Variants in SLC38A12 observed in about 807,000 individuals in gnomAD.
The protein encoded by SLC38A12 is solute carrier family 38 member 12, also known as putative sodium-coupled neutral amino acid transporter 12.
chr17:74,820,666 C>G, the SLC38A12 span, among the ~76,000 whole-genome samples: 1 of 152,180 alleles, frequency 6.6e-6, no homozygotes, highest in Non-Finnish European at 1.5e-5. Flanking sequence ...TGGGTGTGTC[C>G]AGGCTCCAGG....
chr17:74,813,588 C>T, the SLC38A12 span, among the ~76,000 whole-genome samples: 1 of 152,182 alleles, frequency 6.6e-6, no homozygotes, highest in East Asian at 1.9e-4. Flanking sequence ...ACAACCTCTG[C>T]CTCCCGGGTT....
chr17:74,792,538 C>T, the SLC38A12 span, among the ~76,000 whole-genome samples: 1 of 152,216 alleles, frequency 6.6e-6, no homozygotes, highest in East Asian at 1.9e-4. Flanking sequence ...GTCACATTCT[C>T]AGTTCATCCT....
the SLC38A12 span, among the ~76,000 whole-genome samples, chr17:74,818,233 T>G: frequency 6.6e-6 from 1 of 152,264 alleles, no homozygotes; most frequent in East Asian, 1.9e-4. Flanking sequence ...CCCTTTCCTC[T>G]GCCTTCCCCT....
the SLC38A12 span, among the ~76,000 whole-genome samples, chr17:74,780,317 G>C: frequency 6.6e-6 from 1 of 152,198 alleles, no homozygotes; most frequent in African/African-American, 2.4e-5. Context: ...GGGTGGAGAC[G>C]AGGCATGTGG....
At chr17:74,816,082 G>A in the SLC38A12 span, among the ~76,000 whole-genome samples, 1 of 152,290 alleles carries the variant, frequency 6.6e-6, no homozygotes, top group East Asian at 1.9e-4. Flanking sequence ...TTGAGATTAG[G>A]CACTCTCTTT....
chr17:74,820,799 A>G, the SLC38A12 span, among the ~76,000 whole-genome samples: 2 of 152,010 alleles, frequency 1.3e-5, no homozygotes, highest in African/African-American at 2.4e-5. Context: ...ACCCTCATCC[A>G]GACTCTGGGG....
the SLC38A12 span, among the ~76,000 whole-genome samples, chr17:74,799,643 A>G: frequency 1.3e-5 from 2 of 152,176 alleles, no homozygotes; most frequent in African/African-American, 2.4e-5. Flanking sequence ...TCAGTCTCAG[A>G]TTCAGGCTCA....
At chr17:74,795,513 C>G in the SLC38A12 span, 1 of 1,612,864 alleles carries the variant, frequency 6.2e-7, no homozygotes, top group Non-Finnish European at 8.5e-7. Context: ...TGCTGTCATT[C>G]TCTTTATCAG....
the SLC38A12 span, among the ~76,000 whole-genome samples, chr17:74,820,229 C>T: frequency 6.6e-5 from 10 of 152,208 alleles, no homozygotes; most frequent in Non-Finnish European, 1.2e-4. Context: ...CTGCAGGGCA[C>T]GAGAGCGGCG....
At chr17:74,837,363 A>C in the SLC38A12 span, 1 of 985,518 alleles carries the variant, frequency 1.0e-6, no homozygotes. Context: ...GGCTGGATGG[A>C]GCATCCCTTC....
chr17:74,777,148 C>A, the SLC38A12 span: 1 of 679,860 alleles, frequency 1.5e-6, no homozygotes, highest in Middle Eastern at 3.9e-4. Flanking sequence ...GTGACAGATA[C>A]TGAGGCCCTA....
chr17:74,804,294 G>C, the SLC38A12 span, among the ~76,000 whole-genome samples: 3 of 152,274 alleles, frequency 2.0e-5, no homozygotes, highest in Admixed American at 6.5e-5. Context: ...TCCTTCGTGT[G>C]GCCAGTGTCC....
At chr17:74,810,650 C>G in the SLC38A12 span, among the ~76,000 whole-genome samples, 5 of 152,254 alleles carry the variant, frequency 3.3e-5, no homozygotes, top group African/African-American at 1.2e-4. Context: ...CCCATCCCCT[C>G]CCAGTCTCTG....
chr17:74,811,398 A>C, the SLC38A12 span, among the ~76,000 whole-genome samples: 1 of 152,142 alleles, frequency 6.6e-6, no homozygotes, highest in African/African-American at 2.4e-5. Flanking sequence ...GACCTCATGG[A>C]AGTCAAATAA....
chr17:74,795,467 C>T, the SLC38A12 span: 28 of 1,532,304 alleles, frequency 1.8e-5, no homozygotes, highest in Non-Finnish European at 2.5e-5. Context: ...TTCTGTCTCC[C>T]CCAGCCCAGC....
At chr17:74,798,193 A>G in the SLC38A12 span, among the ~76,000 whole-genome samples, 3 of 152,158 alleles carry the variant, frequency 2.0e-5, no homozygotes, top group East Asian at 1.9e-4. Flanking sequence ...TCTCTTCTTC[A>G]TTGCCATTCT....
At chr17:74,815,009 CAG>C in the SLC38A12 span, among the ~76,000 whole-genome samples, 1 of 152,256 alleles carries the variant, frequency 6.6e-6, no homozygotes, top group Admixed American at 6.5e-5. Flanking sequence ...CAGAAGGTCA[CAG>C]GGGAAGATTC....
the SLC38A12 span, among the ~76,000 whole-genome samples, chr17:74,814,456 TATC>T: frequency 6.6e-6 from 1 of 152,192 alleles, no homozygotes; most frequent in African/African-American, 2.4e-5. Context: ...GAGGGAGGAA[TATC>T]ATTCTCCCTG....
chr17:74,779,564 G>A, the SLC38A12 span, among the ~76,000 whole-genome samples: 201 of 152,282 alleles, frequency 1.3e-3, 2 homozygotes, highest in African/African-American at 4.7e-3. Flanking sequence ...ACAATTCTTG[G>A]TCCTCTGTAA....
Sources: gnomAD v4.1 joint callset for allele counts (sites outside exome capture counted in the v4.1 genomes callset) on GRCh38, gnomAD v4.1.1 for gene constraint, MANE v1.5 for transcripts, NCBI Gene and HGNC (gene_info 2026-07-23, HGNC 2026-07-21) for gene names.